Variants in LUZP1 observed in about 807,000 individuals in gnomAD.
LUZP1 encodes leucine zipper protein 1.
Under a neutral mutation model 71.3 loss-of-function variants are expected in LUZP1, and 25 were observed. That is an observed-to-expected ratio of 0.35 (90% CI 0.26 to 0.49). The LOEUF (loss-of-function observed/expected upper bound fraction) is 0.49, where lower values mean the gene tolerates loss of function less well. Ranked by LOEUF, LUZP1 falls within the 20% of genes least tolerant of loss-of-function variation. The probability of loss-of-function intolerance (pLI) is 0.99; values close to 1 mark genes in which losing one functional copy is unlikely to be tolerated. For synonymous variants in LUZP1, 481 were observed against 506.4 expected (o/e 0.95, Z 0.67); for missense variants, 1,142 against 1,300.8 (o/e 0.88, Z 1.88).
chr1:23,102,984 T>A (rs575172060), intron 3 of LUZP1, among the ~76,000 whole-genome samples: 1 of 152,240 alleles, frequency 6.6e-6, no homozygotes, highest in African/African-American at 2.4e-5. Flanking sequence ...CAGGCTGTCA[T>A]GCAGTGGAGC....
chr1:23,094,061 C>T lies in LUZP1; in HGVS notation c.201G>A (p.Val67=). 6.2e-7 allele frequency: 1 copy of T among 1,614,224 alleles called. No individual in the cohort carries two copies. The highest frequency in any genetic ancestry group is 8.5e-7 in the Non-Finnish European group (1 of 1,180,036). ...CAATTCTCAGCACCCGCTGGCGCAG[C>T]ACTTCAATCTCCGCCAACATGCTGG... The change falls in exon 4 of 5, where the codon GTG becomes GTA. Residue 67 remains valine (V), a synonymous_variant. Coordinates refer to ENST00000302291, the Ensembl canonical transcript of LUZP1. This position sits in a 1 kb window ranked among gnomAD's most constrained non-coding sequence, Gnocchi z 4.7.
At chr1:23,168,906 C>CT (rs1239976764) in exon 2 of LUZP1, 2 of 152,224 alleles carry the variant, frequency 1.3e-5, no homozygotes, top group Non-Finnish European at 2.9e-5. Context: ...AAGGCGGGGT[C>CT]TTTGTGATGG....
At chr1:23,147,197 T>C (rs1157035003) in intron 2 of LUZP1, among the ~76,000 whole-genome samples, 1 of 151,284 alleles carries the variant, frequency 6.6e-6, no homozygotes, top group East Asian at 1.9e-4. Flanking sequence ...TCCCAGCACT[T>C]TGGGAGGCCG....
exon 5 of LUZP1, chr1:23,084,932 G>A: frequency 6.5e-6 from 1 of 152,696 alleles, no homozygotes; most frequent in East Asian, 1.9e-4. Flanking sequence ...GGATGACATT[G>A]ACAAAACTGG....
In LUZP1 at chr1:23,093,300, T is replaced by C. The variant is rs773309233; in HGVS notation, c.962A>G (p.Asp321Gly). ...TTCACTTAGGTAATTATCCTGAAGG[T>C]CGTTATTTTTGGACTTCATTTTCTT... Residue 321 changes from aspartate to glycine, a missense_variant, in exon 4 of 5, where the codon GAC becomes GGC. By Grantham distance (94) the Asp-to-Gly change is moderately conservative (BLOSUM62 -1). Transcript: ENST00000302291. The surrounding 1 kb of genome is among the most constrained non-coding windows in gnomAD (Gnocchi z 4.2). The C allele has an allele frequency of 6.2e-7, 1 of 1,610,602 alleles. No individual in the cohort carries two copies. The highest frequency in any genetic ancestry group is 1.1e-5 in the South Asian group (1 of 89,916).
intron 2 of LUZP1, among the ~76,000 whole-genome samples, chr1:23,136,893 G>A (rs749097312): frequency 3.3e-5 from 5 of 152,210 alleles, no homozygotes; most frequent in Non-Finnish European, 5.9e-5. Flanking sequence ...ACTCCAGCCT[G>A]GGCGACAGAG....
At chr1:23,126,864 G>C (rs752222456) in intron 2 of LUZP1, among the ~76,000 whole-genome samples, 1 of 152,158 alleles carries the variant, frequency 6.6e-6, no homozygotes, top group Non-Finnish European at 1.5e-5. Flanking sequence ...TCCCGCAACT[G>C]AACTACAACA....
chr1:23,094,377 C>T lies in LUZP1; in HGVS notation c.-116G>A. 6.8e-7 allele frequency: 1 copy of T among 1,464,818 alleles called. No individual in the cohort carries two copies. Among genetic ancestry groups the T allele is most frequent in the South Asian group, 1.5e-5 (1 of 66,688 alleles). The allele number at this position is 1,464,818 out of a possible 1,614,324, so 90.7% of individuals were successfully genotyped here. On this transcript the variant is annotated 5_prime_UTR_variant, in exon 4 of 5. Transcript: ENST00000302291. This position sits in a 1 kb window ranked among gnomAD's most constrained non-coding sequence, Gnocchi z 4.7. ...TTCTTTGACAGCTGGAGACCATCAT[C>T]AATCTACAAAAGGAAAGTAGAAAGC...
At chr1:23,099,349 T>C (rs1349830288) in intron 3 of LUZP1, among the ~76,000 whole-genome samples, 1 of 152,224 alleles carries the variant, frequency 6.6e-6, no homozygotes, top group Non-Finnish European at 1.5e-5. Flanking sequence ...AGACAAATGA[T>C]ATATGATTCA....
chr1:23,137,620 G>A (rs1032923233), intron 2 of LUZP1, among the ~76,000 whole-genome samples: 7 of 151,590 alleles, frequency 4.6e-5, no homozygotes, highest in East Asian at 1.9e-4. Flanking sequence ...CAGCCTGGGC[G>A]ACAAGAGTGA....
At chr1:23,159,296 A>G (rs887582243) in intron 2 of LUZP1, among the ~76,000 whole-genome samples, 7 of 151,818 alleles carry the variant, frequency 4.6e-5, no homozygotes, top group African/African-American at 1.7e-4. Context: ...AGCCGAGATC[A>G]CACCACTGCA....
chr1:23,100,306 C>T (rs544868704), intron 3 of LUZP1, among the ~76,000 whole-genome samples: 61 of 152,272 alleles, frequency 4.0e-4, no homozygotes, highest in African/African-American at 1.4e-3. Context: ...ATGTCCATGA[C>T]CTAATCATGG....
exon 5 of LUZP1, chr1:23,087,139 G>GT (rs1422210743): frequency 3.3e-5 from 5 of 152,208 alleles, no homozygotes; most frequent in Non-Finnish European, 5.9e-5. Context: ...AGGAGATACT[G>GT]TGTGGCACTG....
exon 1 of LUZP1, chr1:23,177,796 C>G (rs962945934): frequency 1.3e-5 from 2 of 152,306 alleles, no homozygotes; most frequent in Non-Finnish European, 2.9e-5. Context: ...CCGCCGGTGC[C>G]GGGCGCGCTC....
chr1:23,101,677 G>C (rs1161915761), intron 3 of LUZP1, among the ~76,000 whole-genome samples: 2 of 152,166 alleles, frequency 1.3e-5, no homozygotes, highest in Non-Finnish European at 2.9e-5. Flanking sequence ...CAAGGAACTA[G>C]ACTGAAAATG....
intron 2 of LUZP1, among the ~76,000 whole-genome samples, chr1:23,163,537 G>C (rs1207716534): frequency 7.3e-6 from 1 of 137,548 alleles, no homozygotes; most frequent in Non-Finnish European, 1.5e-5. Flanking sequence ...TCGAGAGAAA[G>C]AGTGAGATCC....
chr1:23,106,956 A>G (rs1259260684), intron 3 of LUZP1, among the ~76,000 whole-genome samples: 29 of 152,218 alleles, frequency 1.9e-4, no homozygotes, highest in Non-Finnish European at 2.9e-5. Context: ...AAGGTGTCAC[A>G]TGGCTGTAAG....
At chr1:23,145,621 C>G (rs1644337160) in intron 2 of LUZP1, among the ~76,000 whole-genome samples, 1 of 151,964 alleles carries the variant, frequency 6.6e-6, no homozygotes, top group South Asian at 2.1e-4. Flanking sequence ...ACGTGCATGC[C>G]ACCACGCCTG....
At chr1:23,171,099 A>T (rs531079) in intron 1 of LUZP1, among the ~76,000 whole-genome samples, 80,330 of 139,114 alleles carry the variant, frequency 0.58, 24,555 homozygotes, top group East Asian at 0.77. Flanking sequence ...AAAAAAAAAA[A>T]ATATATATAT....
Sources: gnomAD v4.1 joint callset for allele counts (sites outside exome capture counted in the v4.1 genomes callset) on GRCh38, gnomAD v4.1.1 for gene constraint, Gnocchi (gnomAD v3.1) non-coding constraint, MANE v1.5 for transcripts, NCBI Gene and HGNC (gene_info 2026-07-23, HGNC 2026-07-21) for gene names.